The following OLFM1 variants were observed in gnomAD, a reference collection of about 807,000 sequenced individuals.
OLFM1 encodes the protein olfactomedin 1.
Under a neutral mutation model 49.7 loss-of-function variants are expected in OLFM1, and 9 were observed. The observed-to-expected ratio is 0.18, with a 90% CI of 0.11 to 0.32. The LOEUF is 0.32. OLFM1 is among the 10% of genes least tolerant of loss of function. The pLI is 1.00. For synonymous variants in OLFM1, 240 were observed against 271.8 expected, an observed-to-expected ratio of 0.88 and a Z score of 1.15; for missense variants, 369 against 661.8, an observed-to-expected ratio of 0.56 and a Z score of 4.85.
intron 1 of OLFM1, among the ~76,000 whole-genome samples, chr9:135,077,766 C>T (rs945215806): frequency 4.6e-5 from 7 of 152,260 alleles, no homozygotes; most frequent in African/African-American, 1.7e-4. Context: ...GGTACAGCTC[C>T]ACCTTCCCCA....
At chr9:135,075,734 G>A in exon 1 of OLFM1, 1 of 1,604,462 alleles carries the variant, frequency 6.2e-7, no homozygotes, top group South Asian at 1.1e-5. Context: ...GTGGCAGCGA[G>A]ACATGCACCC....
upstream of OLFM1, chr9:135,087,414 C>A (rs1266915182): frequency 1.3e-6 from 2 of 1,545,974 alleles, no homozygotes; most frequent in Non-Finnish European, 1.7e-6. Flanking sequence ...GGGCCGTGCC[C>A]CCAGCTGGAG....
chr9:135,109,839 G>A (rs112754043), intron 5 of OLFM1, among the ~76,000 whole-genome samples: 1 of 152,186 alleles, frequency 6.6e-6, no homozygotes, highest in Admixed American at 6.5e-5. Flanking sequence ...TAGAGAGCCC[G>A]GCTCAGGGGG....
At chr9:135,099,622 CA>C (rs1388573670) in intron 4 of OLFM1, among the ~76,000 whole-genome samples, 4 of 152,168 alleles carry the variant, frequency 2.6e-5, no homozygotes, top group African/African-American at 9.7e-5. Flanking sequence ...AGTGAACGCA[CA>C]AAGCTTTAAA....
At chr9:135,089,678 G>A (rs964294682) in intron 1 of OLFM1, among the ~76,000 whole-genome samples, 17 of 152,214 alleles carry the variant, frequency 1.1e-4, no homozygotes, top group Admixed American at 6.5e-4. Flanking sequence ...CGAATAGGCT[G>A]CTGGATCTGG....
chr9:135,079,537 AGAGGTTGCAGTGAGCC>A (rs1289173397), intron 1 of OLFM1, among the ~76,000 whole-genome samples: 6 of 152,120 alleles, frequency 3.9e-5, no homozygotes, highest in African/African-American at 1.4e-4. Context: ...CCCAGGAGGC[AGAGGTTGCAGTGAGCC>A]GAGACTGCAC....
chr9:135,084,433 TG>T (rs1329219119), upstream of OLFM1, among the ~76,000 whole-genome samples: 484 of 99,730 alleles, frequency 4.9e-3, 19 homozygotes, highest in African/African-American at 0.021. The surrounding 1 kb of genome is among the most constrained non-coding windows in gnomAD (Gnocchi z 4.6). Context: ...CTCTCCTCTC[TG>T]TCTCTATTAT....
chr9:135,082,563 C>T (rs536397236), intron 1 of OLFM1, among the ~76,000 whole-genome samples: 130 of 152,292 alleles, frequency 8.5e-4, no homozygotes, highest in African/African-American at 3.0e-3. Flanking sequence ...GGGAGCCAGC[C>T]ATTTACCAAC....
Position 135,119,597 on chromosome 9 carries a change from C to A in OLFM1, c.877C>A (p.Arg293Ser), listed in dbSNP as rs903444355. The A allele has an allele frequency of 6.2e-7, 1 of 1,614,140 alleles. No homozygotes were observed. Residue 293 changes from arginine to serine, a missense_variant, in exon 6 of 6, where the codon CGT becomes AGT. This residue lies in a region of OLFM1 where 294 missense variants were observed against 567.5 expected (regional missense o/e 0.52). Transcript: ENST00000371793. ...FMNTDNFTSH[R>S]LPHPWSGTGQ... ...GAACACGGACAATTTCACCTCCCAC[C>A]GTCTCCCCCACCCCTGGTCGGGCAC... is the stretch of plus-strand genomic sequence containing the variant.
chr9:135,091,664 CAG>C (rs1830700584), intron 2 of OLFM1, among the ~76,000 whole-genome samples: 5 of 57,634 alleles, frequency 8.7e-5, no homozygotes, highest in Non-Finnish European at 1.6e-4. Flanking sequence ...CACACACACA[CAG>C]TCACACACTC....
intron 2 of OLFM1, among the ~76,000 whole-genome samples, chr9:135,094,404 G>A (rs914002124): frequency 1.3e-5 from 2 of 152,340 alleles, no homozygotes; most frequent in Non-Finnish European, 1.5e-5. Context: ...GGAGGAGGTG[G>A]CATTTGGGCT....
intron 4 of OLFM1, among the ~76,000 whole-genome samples, chr9:135,104,997 C>G (rs1830921319): frequency 6.6e-6 from 1 of 152,082 alleles, no homozygotes; most frequent in Non-Finnish European, 1.5e-5. Context: ...GTGGCCATCT[C>G]CTCTCCATCC....
rs1055407569 is a variant in OLFM1, at chr9:135,080,863, C to G, written c.96+5061C>G. On this transcript the variant is annotated intron_variant, in intron 1 of 5. Coordinates refer to the OLFM1 transcript ENST00000252854. The surrounding 1 kb of genome is among the most constrained non-coding windows in gnomAD (Gnocchi z 4.5). ...CTCGGAAACCTCAGCGCTGTCCCGA[C>G]TGGCACCGCAGGGCGACCGAAGGGA... Among the ~76,000 whole-genome samples, 5 of 152,094 alleles carry G rather than the reference C, an allele frequency of 3.3e-5. No homozygotes were observed. Among genetic ancestry groups the G allele is most frequent in the African/African-American group, 1.2e-4 (5 of 41,426 alleles).
Position 135,098,470 on chromosome 9 carries a change from T to C in OLFM1, c.641T>C (p.Leu214Pro). ...YDELQSRVSN[L>P]EERLRACMQK... ...GAACTTCAGAGCAGAGTGTCCAATC[T>C]TGAAGAAAGGCTCCGTGCATGCATG... The change falls in exon 4 of 6, where the codon CTT becomes CCT. Residue 214 changes from leucine (L) to proline (P), a missense_variant. Coordinates refer to ENST00000371793, the MANE Select transcript of OLFM1 (RefSeq NM_001282611.2). This position sits in a 1 kb window ranked among gnomAD's most constrained non-coding sequence, Gnocchi z 5.6. 6.2e-7 allele frequency: 1 copy of C among 1,613,774 alleles called. No homozygotes were observed. Among genetic ancestry groups the C allele is most frequent in the Non-Finnish European group, 8.5e-7 (1 of 1,180,038 alleles).
chr9:135,090,156 C>G lies in OLFM1; in HGVS notation c.151-39C>G, dbSNP rs190639094. 2.1e-4 allele frequency: 326 copies of G among 1,568,024 alleles called. 1 individual carries two copies. Among genetic ancestry groups the G allele is most frequent in the Non-Finnish European group, 1.1e-4 (124 of 1,149,720 alleles). On this transcript the variant is annotated intron_variant, in intron 1 of 5. Transcript: ENST00000371793. ...ATACACAACCTCATGGTCTCCCTTT[C>G]TCTCCTTCCCTCTCCCTTCCCGCCC...
intron 5 of OLFM1, among the ~76,000 whole-genome samples, chr9:135,107,808 A>G (rs925073449): frequency 2.0e-5 from 3 of 152,190 alleles, no homozygotes; most frequent in African/African-American, 7.2e-5. Context: ...GAGATCCTCT[A>G]AGCTTTATCT....
chr9:135,082,629 A>T (rs1201636916), intron 1 of OLFM1, among the ~76,000 whole-genome samples: 1 of 150,698 alleles, frequency 6.6e-6, no homozygotes, highest in East Asian at 1.9e-4. Flanking sequence ...TCCCAGCCCC[A>T]AATATGCACA....
chr9:135,095,758 C>T, intron 2 of OLFM1, 106 bp from the exon 3 acceptor site: 2 of 1,223,838 alleles, frequency 1.6e-6, no homozygotes, highest in East Asian at 2.3e-5. Context: ...TTCTGGTTCC[C>T]AGTGTGCTGG....
intron 5 of OLFM1, among the ~76,000 whole-genome samples, chr9:135,118,074 G>A (rs942343756): frequency 5.3e-5 from 8 of 152,224 alleles, no homozygotes; most frequent in African/African-American, 1.2e-4. Flanking sequence ...CCCTTTGGTC[G>A]TGACTACTGT....
Sources: allele counts gnomAD v4.1 joint callset (sites outside exome capture counted in the v4.1 genomes callset), GRCh38; gene constraint gnomAD v4.1.1; regional missense constraint gnomAD v4.1.1; non-coding constraint Gnocchi (gnomAD v3.1); transcripts MANE v1.5; gene names NCBI Gene and HGNC (gene_info 2026-07-23, HGNC 2026-07-21).